EP300: variants seen among roughly 807,000 people sequenced by gnomAD.
EP300 encodes histone acetyltransferase p300.
EP300 carries 31 observed loss-of-function variants against 264.0 expected under a neutral mutation model. The ratio of observed to expected loss-of-function variants is 0.12; its 90% CI spans 0.09 to 0.16. The LOEUF (loss-of-function observed/expected upper bound fraction) is 0.16. Among genes scored for constraint, EP300 ranks in the 10% least tolerant of loss-of-function variants. EP300 has a pLI of 1.00. For synonymous variants in EP300, 1,340 were observed against 1,045.4 expected (o/e 1.28, Z -5.44); for missense variants, 2,766 against 3,052.9 (o/e 0.91, Z 2.21).
rs557700592 is a variant in EP300, at chr22:41,150,885, C to T, written c.2817+687C>T. Among the ~76,000 whole-genome samples, 725 of 146,870 alleles carry T rather than the reference C, an allele frequency of 4.9e-3. 4 individuals are homozygous for T. Among genetic ancestry groups the T allele is most frequent in the Middle Eastern group, 0.021 (6 of 292 alleles). ...TAGCCTAGGCGACAGAGTGAAACTC[C>T]GTCTAAAAAAAAAAAAAAAAATTGC... On this transcript the variant is annotated intron_variant, in intron 14 of 30. Transcript: ENST00000263253.
Position 41,178,920 on chromosome 22 carries a change from T to G in EP300, c.7209T>G (p.Asn2403Lys). ...TCAGCACCGATAACTCAGACTTGAA[T>G]TCAAACCTCTCACAGAGTACACTAG... ...LGLSTDNSDL[N>K]SNLSQSTLDI... Residue 2403 changes from asparagine to lysine, a missense_variant, in exon 31 of 31, where the codon AAT (asparagine) becomes AAG (lysine). Asn to Lys is a moderately conservative substitution (Grantham distance 94). Coordinates refer to ENST00000263253, the MANE Select transcript of EP300 (RefSeq NM_001429.4). The G allele has an allele frequency of 6.2e-7, 1 of 1,614,212 alleles. No individual in the cohort carries two copies. The highest frequency in any genetic ancestry group is 8.5e-7 in the Non-Finnish European group (1 of 1,180,038).
intron 22 of EP300, among the ~76,000 whole-genome samples, chr22:41,165,433 CTTTT>C (rs893378228): frequency 6.6e-6 from 1 of 151,804 alleles, no homozygotes; most frequent in Non-Finnish European, 1.5e-5. Flanking sequence ...TTCTTTTTTT[CTTTT>C]TTTGAGACAG....
intron 8 of EP300, among the ~76,000 whole-genome samples, chr22:41,138,946 G>GTTTGTT (rs754669059): frequency 8.6e-5 from 13 of 151,480 alleles, no homozygotes; most frequent in African/African-American, 2.4e-4. Context: ...TTCTTTGTTT[G>GTTTGTT]TTTGTTTTTG....
At chr22:41,097,999 T>A (rs906426931) in intron 1 of EP300, among the ~76,000 whole-genome samples, 97 of 82,206 alleles carry the variant, frequency 1.2e-3, no homozygotes, top group Admixed American at 6.9e-3. Flanking sequence ...CAGCTAAAAA[T>A]TTTTTTTTTT....
chr22:41,125,617 A>G (rs993816829), intron 2 of EP300, among the ~76,000 whole-genome samples: 1 of 152,060 alleles, frequency 6.6e-6, no homozygotes, highest in African/African-American at 2.4e-5. Context: ...CCCAGGCTTC[A>G]CTGATAATCC....
intron 6 of EP300, among the ~76,000 whole-genome samples, chr22:41,133,150 T>A (rs1285383367): frequency 1.3e-5 from 1 of 78,060 alleles, no homozygotes; most frequent in Non-Finnish European, 3.0e-5. Context: ...GGCCTAAGAT[T>A]ATCCCCCCCC....
rs199998839 is a variant in EP300 at position 41,164,142 on chromosome 22, C to T, written c.3806+12C>T. 1.1e-5 allele frequency: 17 copies of T among 1,612,600 alleles called. No homozygotes were observed. The East Asian group carries it at 2.0e-4, about 19-fold the overall frequency. On this transcript the variant is annotated intron_variant, in intron 22 of 30. Transcript: ENST00000263253. ...ATCTGGCCTGCTGGGTAAGTCTTAA[C>T]GTTGTTACTTTCTCTGGAATTTTTC... is the stretch of plus-strand genomic sequence containing the variant.
At chr22:41,127,354 C>T in intron 3 of EP300, 133 bp from the exon 4 acceptor site, 1 of 1,155,154 alleles carries the variant, frequency 8.7e-7, no homozygotes, top group East Asian at 2.4e-5. Flanking sequence ...TATGCATTCC[C>T]TGTGTCAAAA....
At chr22:41,107,051 C>T (rs1032203186) in intron 1 of EP300, among the ~76,000 whole-genome samples, 3 of 152,056 alleles carry the variant, frequency 2.0e-5, no homozygotes, top group East Asian at 1.9e-4. Context: ...GGATTACAGG[C>T]GTGCACCATC....
rs868053134 is a variant in EP300 at position 41,167,615 on chromosome 22, T to A, written c.3875-834T>A. Among the ~76,000 whole-genome samples the A allele has an allele frequency of 5.3e-4, 46 of 86,098 alleles. 2 individuals carry two copies. The highest frequency in any genetic ancestry group is 2.0e-3 in the African/African-American group (43 of 21,010). The allele number at this position is 86,098 out of a possible 152,430, so 56.5% of individuals were successfully genotyped here. On this transcript the variant is annotated intron_variant, in intron 23 of 30. Transcript: ENST00000263253. ...ATATATATATATATATATATATATATATATATATATATATATATATAATGT... is the reference window on the plus strand; with the variant it reads ...ATATATATATATATATATATATATAAATATATATATATATATATATAATGT...
chr22:41,157,406 A>C lies in EP300; in HGVS notation c.3499A>C (p.Lys1167Gln). 6.2e-7 allele frequency: 1 copy of C among 1,613,992 alleles called. No individual in the cohort carries two copies. Among genetic ancestry groups the C allele is most frequent in the East Asian group, 2.2e-5 (1 of 44,882 alleles). ...AAGCCTTGGATACTGTTGTGGCAGA[A>C]AGGTAAGAAATGTGTTTCAGATTTG... ...MQSLGYCCGR[K>Q]LEFSPQTLCC... Residue 1167 changes from lysine (K) to glutamine (Q), a missense_variant and splice_region_variant, in exon 18 of 31, where the codon AAG becomes CAG. By Grantham distance (53) the Lys-to-Gln change is moderately conservative. Transcript: ENST00000263253.
chr22:41,131,329 T>G, intron 5 of EP300, 59 bp from the exon 6 acceptor site: 1 of 1,563,868 alleles, frequency 6.4e-7, no homozygotes. Context: ...ATTAGACATG[T>G]TAGTCTTTTT....
chr22:41,173,445 G>T (rs1291782227), intron 28 of EP300, among the ~76,000 whole-genome samples, 178 bp from the exon 29 acceptor site: 1 of 152,192 alleles, frequency 6.6e-6, no homozygotes, highest in Non-Finnish European at 1.5e-5. Context: ...ATCACTGGGA[G>T]AAAATTAGGT....
intron 3 of EP300, 33 bp downstream of exon 3, chr22:41,126,073 A>G: frequency 6.2e-7 from 1 of 1,607,920 alleles, no homozygotes; most frequent in Non-Finnish European, 8.5e-7. Context: ...CTTGTTTTCA[A>G]ACTGGCATTT....
rs2076579 is a variant in EP300, at chr22:41,173,818, G to A, written c.4779+34G>A. Reference sequence around the variant, plus strand: ...CAGCCACCCAGAGTTGGGGAAAAACGGCAAGATTTCTGGCCAGGCATGGTG... The same window carrying A: ...CAGCCACCCAGAGTTGGGGAAAAACAGCAAGATTTCTGGCCAGGCATGGTG... On this transcript the variant is annotated intron_variant, in intron 29 of 30. Coordinates refer to ENST00000263253, the MANE Select transcript of EP300 (RefSeq NM_001429.4). The A allele has an allele frequency of 2.7e-3, 4,413 of 1,613,148 alleles. 33 individuals carry two copies. The highest frequency in any genetic ancestry group is 0.021 in the East Asian group (956 of 44,850).
At chr22:41,137,930 G>A in intron 8 of EP300, 140 bp downstream of exon 8, 1 of 1,187,482 alleles carries the variant, frequency 8.4e-7, no homozygotes, top group Non-Finnish European at 1.2e-6. Flanking sequence ...TTCTACTCTT[G>A]TGGATTTCTT....
In EP300 at chr22:41,154,376, C is replaced by CTTTTTTTTTTTTTTT. The variant is rs869304891; in HGVS notation, c.3143-610_3143-596dup. Among the ~76,000 whole-genome samples, 318 of 61,782 alleles carry CTTTTTTTTTTTTTTT rather than the reference C, an allele frequency of 5.1e-3. 53 individuals are homozygous for CTTTTTTTTTTTTTTT. The highest frequency in any genetic ancestry group is 6.3e-3 in the Non-Finnish European group (223 of 35,514). The allele number at this position is 61,782 out of a possible 152,430, so 40.5% of individuals were successfully genotyped here. ...TCTTAACACGAGTATCTTGTGCACT[C>CTTTTTTTTTTTTTTT]TTTTTTTTTTTTTTTTTTTTTTTGA... On this transcript the variant is annotated intron_variant, in intron 16 of 30. Coordinates refer to ENST00000263253, the MANE Select transcript of EP300 (RefSeq NM_001429.4).
At chr22:41,112,113 C>T (rs1459461377) in intron 1 of EP300, among the ~76,000 whole-genome samples, 3 of 150,644 alleles carry the variant, frequency 2.0e-5, no homozygotes, top group African/African-American at 7.3e-5. Context: ...TGGTCTCAAT[C>T]TCCTGAACTC....
intron 26 of EP300, among the ~76,000 whole-genome samples, chr22:41,169,964 T>G (rs1443830729): frequency 2.0e-5 from 3 of 152,250 alleles, no homozygotes; most frequent in Non-Finnish European, 4.4e-5. Flanking sequence ...GTTCTGGAGA[T>G]ACTTCTTACC....
Sources: allele counts gnomAD v4.1 joint callset (sites outside exome capture counted in the v4.1 genomes callset), GRCh38; gene constraint gnomAD v4.1.1; transcripts MANE v1.5; gene names NCBI Gene and HGNC (gene_info 2026-07-23, HGNC 2026-07-21).